TRAF3IP1: variants seen among roughly 807,000 people sequenced by gnomAD.
The protein encoded by TRAF3IP1 is TRAF3-interacting protein 1.
Under a neutral mutation model 89.9 loss-of-function variants are expected in TRAF3IP1, and 53 were observed. The ratio of observed to expected loss-of-function variants is 0.59; its 90% confidence interval spans 0.47 to 0.74. TRAF3IP1 has a LOEUF of 0.74. Among genes scored for constraint, TRAF3IP1 ranks in the 30% least tolerant of loss-of-function variants. The pLI is 0.00. For missense variants in TRAF3IP1, 806 were observed against 866.1 expected (o/e 0.93, Z 0.87); for synonymous variants, 311 against 322.1 (o/e 0.97, Z 0.37).
Position 238,384,828 on chromosome 2 carries a change from A to G in TRAF3IP1, c.1690-12631A>G, listed in dbSNP as rs1407702965. On this transcript the variant is annotated intron_variant, in intron 15 of 16. Transcript: ENST00000373327. ...TTTCCTAAAGCATGTATTTTATTAT[A>G]TAATCAAAAGTGAGATAGAATATAT... is the stretch of plus-strand genomic sequence containing the variant. 2.0e-5 allele frequency among the ~76,000 whole-genome samples: 3 copies of G among 152,178 alleles called. No individual in the cohort carries two copies. The East Asian group carries it at 5.8e-4, about 29-fold the overall frequency.
rs1401184021 is a variant in TRAF3IP1, at chr2:238,383,204, C to T, written c.1690-14255C>T. ...GCCCTCCAGGCAGTCTCCTACCACC[C>T]AGACTGTGTGGGGCTCCTCTTCCAT... On this transcript the variant is annotated intron_variant, in intron 15 of 16. Transcript: ENST00000373327. Among the ~76,000 whole-genome samples, 5 of 152,210 alleles carry T rather than the reference C, an allele frequency of 3.3e-5. No homozygotes were observed. In the East Asian group the frequency reaches 5.8e-4, roughly 18 times the overall value.
intron 7 of TRAF3IP1, among the ~76,000 whole-genome samples, chr2:238,336,708 A>C (rs1698405205): frequency 6.6e-6 from 1 of 152,200 alleles, no homozygotes; most frequent in African/African-American, 2.4e-5. Context: ...ATTACATTAC[A>C]GATTAAGTTT....
chr2:238,330,369 C>T (rs1362080202), intron 5 of TRAF3IP1, among the ~76,000 whole-genome samples: 2 of 152,132 alleles, frequency 1.3e-5, no homozygotes, highest in African/African-American at 4.8e-5. Flanking sequence ...CTTTCTGGAC[C>T]CACCATGTGT....
At chr2:238,347,219 C>A in intron 9 of TRAF3IP1, 1 of 522,496 alleles carries the variant, frequency 1.9e-6, no homozygotes, top group South Asian at 2.4e-5. Flanking sequence ...TGTCCTGTTT[C>A]TATTTAGTAC....
chr2:238,320,889 C>A, intron 1 of TRAF3IP1, 104 bp downstream of exon 1: 2 of 1,025,562 alleles, frequency 2.0e-6, no homozygotes, highest in Non-Finnish European at 2.5e-6. Flanking sequence ...CGGGCTCGGG[C>A]TCAGGTGCGG....
chr2:238,377,289 A>C (rs1383606419), intron 15 of TRAF3IP1, among the ~76,000 whole-genome samples: 2 of 124,256 alleles, frequency 1.6e-5, no homozygotes, highest in Non-Finnish European at 1.6e-5. Flanking sequence ...GCTGGAGTGC[A>C]GTGGTGCAAT....
At chr2:238,367,979 GA>G (rs11428849) in intron 15 of TRAF3IP1, among the ~76,000 whole-genome samples, 29 of 147,554 alleles carry the variant, frequency 2.0e-4, no homozygotes, top group East Asian at 6.0e-4. Flanking sequence ...GCTTCCCTTT[GA>G]AAAAAAAAAG....
chr2:238,324,089 G>T lies in TRAF3IP1; in HGVS notation c.124-1217G>T, dbSNP rs1276005992. Among the ~76,000 whole-genome samples, 9 of 151,650 alleles carry T rather than the reference G, an allele frequency of 5.9e-5. No individual in the cohort carries two copies. In the East Asian group the frequency reaches 1.7e-3, roughly 29 times the overall value. On this transcript the variant is annotated intron_variant, in intron 1 of 16. Transcript: ENST00000373327. ...TTTCTTTTCTTTCTTTTTTTTTGAG[G>T]CAGAGTCTCACTGCGTTGCCCAGGC...
At chr2:238,364,526 G>A (rs917642883) in intron 15 of TRAF3IP1, among the ~76,000 whole-genome samples, 1 of 151,744 alleles carries the variant, frequency 6.6e-6, no homozygotes, top group Admixed American at 6.6e-5. Flanking sequence ...TTAGGCTAAT[G>A]GCCAACAGTT....
intron 1 of TRAF3IP1, 91 bp from the exon 2 acceptor site, chr2:238,325,215 C>T (rs1053452911): frequency 1.6e-6 from 2 of 1,258,478 alleles, no homozygotes; most frequent in Non-Finnish European, 2.3e-6. Context: ...CTAGTCAATT[C>T]TGACATCTCC....
rs139285182 is a variant in TRAF3IP1 at position 238,381,763 on chromosome 2, C to T, written c.1690-15696C>T. On this transcript the variant is annotated intron_variant, in intron 15 of 16. Transcript: ENST00000373327. Reference sequence around the variant, plus strand: ...AAGCACCTCACGTGAGCAGAACTGACGGGGACCTTTGAGGAAAGCTCATCG... The same window carrying T: ...AAGCACCTCACGTGAGCAGAACTGATGGGGACCTTTGAGGAAAGCTCATCG... 2.0e-4 allele frequency among the ~76,000 whole-genome samples: 31 copies of T among 152,274 alleles called. No individual in the cohort carries two copies. In the East Asian group the frequency reaches 2.3e-3, roughly 11 times the overall value.
At chr2:238,333,410 A>C (rs1247649814) in intron 6 of TRAF3IP1, among the ~76,000 whole-genome samples, 1 of 152,156 alleles carries the variant, frequency 6.6e-6, no homozygotes, top group Non-Finnish European at 1.5e-5. Context: ...GGTTGAAGCC[A>C]ACTTTCGTAA....
At chr2:238,356,502 GAAAA>G (rs895876786) in intron 15 of TRAF3IP1, among the ~76,000 whole-genome samples, 1 of 150,582 alleles carries the variant, frequency 6.6e-6, no homozygotes, top group Non-Finnish European at 1.5e-5. Context: ...GCCTCAGAAA[GAAAA>G]AAAAAGCCAT....
At chr2:238,395,367 T>A (rs1443972281) in intron 15 of TRAF3IP1, among the ~76,000 whole-genome samples, 3 of 152,170 alleles carry the variant, frequency 2.0e-5, no homozygotes, top group Non-Finnish European at 2.9e-5. Flanking sequence ...CCTTACACCT[T>A]ATACAAAAAT....
intron 3 of TRAF3IP1, among the ~76,000 whole-genome samples, chr2:238,328,444 AG>A (rs1697946120): frequency 6.6e-6 from 1 of 152,260 alleles, no homozygotes; most frequent in Non-Finnish European, 1.5e-5. Context: ...GACTTGAACC[AG>A]GATTCATTTA....
At chr2:238,350,650 T>C (rs1480062296) in intron 12 of TRAF3IP1, among the ~76,000 whole-genome samples, 2 of 152,126 alleles carry the variant, frequency 1.3e-5, no homozygotes, top group African/African-American at 4.8e-5. Context: ...CTGAACCTCC[T>C]ACAATGCACA....
intron 15 of TRAF3IP1, among the ~76,000 whole-genome samples, chr2:238,382,032 C>T (rs1309881237): frequency 6.6e-6 from 1 of 152,074 alleles, no homozygotes. Context: ...GAAGCAGAAT[C>T]GACACAACAG....
At chr2:238,397,260 T>C (rs1420384853) in intron 15 of TRAF3IP1, among the ~76,000 whole-genome samples, 199 bp from the exon 16 acceptor site, 1 of 152,198 alleles carries the variant, frequency 6.6e-6, no homozygotes, top group Non-Finnish European at 1.5e-5. Context: ...CTGTGTCCTC[T>C]GATGGCGTGC....
rs773757135 is a variant in TRAF3IP1, at chr2:238,344,672, C to T, written c.1261+74C>T. ...CTCCAGAACCTTCTTCTCAAAGGGC[C>T]GCAGCCCAGAGCCCGAGGTTTTCCT... is the stretch of plus-strand genomic sequence containing the variant. On this transcript the variant is annotated intron_variant, in intron 9 of 16. Transcript: ENST00000373327. 20 of 1,310,954 alleles carry T rather than the reference C, an allele frequency of 1.5e-5. No homozygotes were observed. The East Asian group carries it at 1.6e-4, about 11-fold the overall frequency. 81.2% of individuals were successfully genotyped at this position (1,310,954 alleles called of 1,614,324 possible). A position where few individuals can be genotyped will look rare whatever the true frequency, so the allele number is the denominator to read the frequency against.
Sources: gnomAD v4.1 joint callset for allele counts (sites outside exome capture counted in the v4.1 genomes callset) on GRCh38, gnomAD v4.1.1 for gene constraint, MANE v1.5 for transcripts, NCBI Gene and HGNC (gene_info 2026-07-23, HGNC 2026-07-21) for gene names.